Variants in UVRAG observed in about 807,000 individuals in gnomAD.
UVRAG encodes the protein UV radiation resistance associated, also known as UV radiation resistance-associated gene protein.
A neutral mutation model predicts 78.0 loss-of-function variants in UVRAG; 19 were observed. The observed-to-expected ratio is 0.24, with a 90% CI of 0.17 to 0.36. UVRAG has a LOEUF of 0.36. UVRAG is among the 10% of genes least tolerant of loss of function. UVRAG has a pLI of 1.00. For missense variants in UVRAG, 740 were observed against 853.8 expected (o/e 0.87, Z 1.66); for synonymous variants, 323 against 324.6 (o/e 1.00, Z 0.05).
At chr11:75,927,122 T>C (rs1352830656) in intron 6 of UVRAG, among the ~76,000 whole-genome samples, 1 of 151,468 alleles carries the variant, frequency 6.6e-6, no homozygotes, top group Non-Finnish European at 1.5e-5. Flanking sequence ...CAGGCTGCAG[T>C]GCAGTGGCGC....
At chr11:76,097,923 A>G (rs972373401) in intron 13 of UVRAG, among the ~76,000 whole-genome samples, 12 of 152,112 alleles carry the variant, frequency 7.9e-5, no homozygotes, top group African/African-American at 1.9e-4. Flanking sequence ...TGCCACTATC[A>G]TTCCATTTTT....
chr11:76,109,788 T>A (rs1952038895), intron 13 of UVRAG, among the ~76,000 whole-genome samples: 1 of 152,220 alleles, frequency 6.6e-6, no homozygotes, highest in Non-Finnish European at 1.5e-5. Context: ...TTTACTAATA[T>A]CTTACCAGGG....
chr11:76,091,955 G>A (rs561306913), intron 13 of UVRAG, among the ~76,000 whole-genome samples: 44 of 151,842 alleles, frequency 2.9e-4, no homozygotes, highest in African/African-American at 9.7e-4. Flanking sequence ...ATTTACATTG[G>A]GTATATCTCC....
In UVRAG at chr11:76,127,443, C is replaced by T. The variant is rs372444319; in HGVS notation, c.1397+11428C>T. ...CCGAGGTGGGTGGATCACCTGAGGT[C>T]AGGAGTTCGAGACCAGCTGACCAAC... is the stretch of plus-strand genomic sequence containing the variant. On this transcript the variant is annotated intron_variant, in intron 14 of 14. Coordinates refer to ENST00000356136, the MANE Select transcript of UVRAG (RefSeq NM_003369.4). Among the ~76,000 whole-genome samples, 16 of 152,018 alleles carry T rather than the reference C, an allele frequency of 1.1e-4. No homozygotes were observed. The South Asian group carries it at 3.3e-3, about 32-fold the overall frequency.
intron 12 of UVRAG, among the ~76,000 whole-genome samples, chr11:76,020,877 A>G (rs567927564): frequency 2.0e-5 from 3 of 152,220 alleles, no homozygotes; most frequent in East Asian, 1.9e-4. Flanking sequence ...AAGTTTTGCC[A>G]AAACTCAAGT....
chr11:75,816,458 G>A (rs1371062555), intron 1 of UVRAG, among the ~76,000 whole-genome samples: 3 of 152,196 alleles, frequency 2.0e-5, no homozygotes, highest in Non-Finnish European at 4.4e-5. Flanking sequence ...CCAAGAAGAG[G>A]ATCTAGAGAA....
intron 14 of UVRAG, among the ~76,000 whole-genome samples, chr11:76,132,207 C>T (rs1398906885): frequency 6.6e-6 from 1 of 152,196 alleles, no homozygotes; most frequent in Non-Finnish European, 1.5e-5. Flanking sequence ...GGCCGTAAAC[C>T]AACTTAAACA....
At chr11:76,058,773 G>A (rs1173764772) in intron 12 of UVRAG, among the ~76,000 whole-genome samples, 1 of 152,136 alleles carries the variant, frequency 6.6e-6, no homozygotes, top group Non-Finnish European at 1.5e-5. Flanking sequence ...GCAACAGGAA[G>A]GTCAAAGGAG....
Position 76,005,326 on chromosome 11 carries a change from G to A in UVRAG, c.911+1237G>A, listed in dbSNP as rs547303025. On this transcript the variant is annotated intron_variant, in intron 9 of 14. Coordinates refer to ENST00000356136, the MANE Select transcript of UVRAG (RefSeq NM_003369.4). ...CCACTGCACTCCAGTCTGGGCGACA[G>A]AGCGAGACGCCATCTTAAAAAAAAA... Among the ~76,000 whole-genome samples, 6 of 152,146 alleles carry A rather than the reference G, an allele frequency of 3.9e-5. No individual in the cohort carries two copies. In the South Asian group the frequency reaches 6.2e-4, roughly 16 times the overall value.
chr11:75,991,189 AAT>A (rs1318044244), intron 8 of UVRAG, among the ~76,000 whole-genome samples: 11 of 152,210 alleles, frequency 7.2e-5, no homozygotes, highest in African/African-American at 2.7e-4. Context: ...GCCCCAAATA[AAT>A]AGACAGTTGT....
intron 14 of UVRAG, among the ~76,000 whole-genome samples, chr11:76,133,858 C>A (rs570375766): frequency 6.6e-6 from 1 of 151,668 alleles, no homozygotes; most frequent in African/African-American, 2.4e-5. Flanking sequence ...AAGAAAAAAA[C>A]CTAAGATTGT....
rs190044162 is a variant in UVRAG, at chr11:75,924,408, C to T, written c.593+12369C>T. On this transcript the variant is annotated intron_variant, in intron 6 of 14. Transcript: ENST00000356136. ...TTTTTGTTTTTGTTTTTTTTTGTGA[C>T]GGAGTCTCGCTCTGTCACCCAGGCT... Among the ~76,000 whole-genome samples the T allele has an allele frequency of 1.5e-4, 23 of 150,022 alleles. 1 individual carries two copies. The highest frequency in any genetic ancestry group is 5.9e-4 in the East Asian group (3 of 5,128).
At chr11:76,066,171 G>A (rs1193800061) in intron 13 of UVRAG, among the ~76,000 whole-genome samples, 1 of 152,286 alleles carries the variant, frequency 6.6e-6, no homozygotes, top group African/African-American at 2.4e-5. Context: ...AAAGTTCAGT[G>A]CCTTTGCAAG....
At chr11:76,059,558 G>A (rs2076432367) in intron 12 of UVRAG, among the ~76,000 whole-genome samples, 2 of 152,172 alleles carry the variant, frequency 1.3e-5, no homozygotes, top group Non-Finnish European at 1.5e-5. Flanking sequence ...GCTGGGAGTC[G>A]AGTGCTATTG....
chr11:76,079,707 C>G (rs1591211918), intron 13 of UVRAG, among the ~76,000 whole-genome samples: 2 of 152,166 alleles, frequency 1.3e-5, no homozygotes, highest in East Asian at 3.9e-4. Flanking sequence ...TATACTTACC[C>G]TCACAATTTT....
At chr11:76,105,714 C>T (rs1366910110) in intron 13 of UVRAG, among the ~76,000 whole-genome samples, 1 of 152,194 alleles carries the variant, frequency 6.6e-6, no homozygotes, top group Non-Finnish European at 1.5e-5. Context: ...CACCACTGCA[C>T]TCCAGCCTGA....
chr11:75,987,861 C>G (rs1390645422), intron 8 of UVRAG, among the ~76,000 whole-genome samples: 2 of 152,052 alleles, frequency 1.3e-5, no homozygotes, highest in Non-Finnish European at 1.5e-5. Flanking sequence ...CCTCAGCCTC[C>G]CAAGTAGCTG....
intron 3 of UVRAG, among the ~76,000 whole-genome samples, chr11:75,872,778 AT>A (rs1946682995): frequency 6.6e-6 from 1 of 152,228 alleles, no homozygotes; most frequent in African/African-American, 2.4e-5. Context: ...AAGTGACTTA[AT>A]AATTCTTAGC....
At chr11:76,065,504 C>G (rs1048810038) in intron 12 of UVRAG, among the ~76,000 whole-genome samples, 9 of 152,144 alleles carry the variant, frequency 5.9e-5, no homozygotes, top group African/African-American at 1.9e-4. Flanking sequence ...GTGACCTGTT[C>G]ACTTTTTCTT....
Sources: gnomAD v4.1 joint callset for allele counts (sites outside exome capture counted in the v4.1 genomes callset) on GRCh38, gnomAD v4.1.1 for gene constraint, MANE v1.5 for transcripts, NCBI Gene and HGNC (gene_info 2026-07-23, HGNC 2026-07-21) for gene names.